ABLIM1: variants seen among roughly 807,000 people sequenced by gnomAD.
ABLIM1 encodes actin-binding LIM protein 1.
In ABLIM1, 40 loss-of-function variants were observed where a neutral mutation model predicts 107.0. That is an observed-to-expected ratio of 0.37 (90% CI 0.29 to 0.49). The LOEUF is 0.49. Among genes scored for constraint, ABLIM1 ranks in the 20% least tolerant of loss-of-function variants. The probability of loss-of-function intolerance (pLI) is 0.97; values close to 1 mark genes in which losing one functional copy is unlikely to be tolerated. For missense variants in ABLIM1, 857 were observed against 1,008.5 expected, an observed-to-expected ratio of 0.85 and a Z score of 2.04; for synonymous variants, 357 against 357.3, an observed-to-expected ratio of 1.00 and a Z score of 0.01.
intron 4 of ABLIM1, among the ~76,000 whole-genome samples, chr10:114,565,150 A>G (rs1427450158): frequency 6.6e-6 from 1 of 152,224 alleles, no homozygotes; most frequent in Admixed American, 6.5e-5. Flanking sequence ...CTCCTCTGCC[A>G]TTGCATCCTA....
intron 12 of ABLIM1, among the ~76,000 whole-genome samples, chr10:114,461,426 T>C (rs961265902): frequency 5.3e-5 from 8 of 150,046 alleles, no homozygotes; most frequent in Admixed American, 1.3e-4. Flanking sequence ...AAAAACAGCA[T>C]AATTTCTTTA....
Position 114,575,430 on chromosome 10 carries a change from A to G in ABLIM1, c.549T>C (p.Ala183=). The G allele has an allele frequency of 1.2e-6, 2 of 1,614,012 alleles. No homozygotes were observed. The highest frequency in any genetic ancestry group is 4.5e-5 in the East Asian group (2 of 44,886). Residue 183 remains alanine, a synonymous_variant, in exon 3 of 23, where the codon GCT becomes GCC. Transcript: ENST00000533213. Reference sequence around the variant, plus strand: ...GGCTCACTTACTTGCAGATAGTACAAGCAAAGCAATTGGGATGGTAGGTCT... The same window carrying G: ...GGCTCACTTACTTGCAGATAGTACAGGCAAAGCAATTGGGATGGTAGGTCT... ...LGKTYHPNCF[A]CTICKRPFPP... is the part of the protein sequence containing the mutation.
chr10:114,688,166 C>A (rs757189241), upstream of ABLIM1, among the ~76,000 whole-genome samples: 1 of 152,306 alleles, frequency 6.6e-6, no homozygotes, highest in South Asian at 2.1e-4. Flanking sequence ...TTATAGCACA[C>A]AACTACGTCC....
At chr10:114,773,630 G>A in the ABLIM1 span, among the ~76,000 whole-genome samples, 1 of 152,154 alleles carries the variant, frequency 6.6e-6, no homozygotes, top group Non-Finnish European at 1.5e-5. Flanking sequence ...GCTGAGGCAG[G>A]AGAATAGCTT....
intron 1 of ABLIM1, among the ~76,000 whole-genome samples, chr10:114,719,167 C>A (rs1311745572): frequency 6.6e-6 from 1 of 152,296 alleles, no homozygotes; most frequent in Admixed American, 6.5e-5. Context: ...GATCTCTCTG[C>A]CTTAAATGAT....
At chr10:114,703,573 T>G (rs2081348064) in intron 1 of ABLIM1, among the ~76,000 whole-genome samples, 1 of 152,198 alleles carries the variant, frequency 6.6e-6, no homozygotes, top group Non-Finnish European at 1.5e-5. Flanking sequence ...CAGTACAAGG[T>G]GCCCACCTCT....
chr10:114,597,971 T>C (rs1273312192), intron 2 of ABLIM1, among the ~76,000 whole-genome samples: 2 of 152,196 alleles, frequency 1.3e-5, no homozygotes, highest in African/African-American at 4.8e-5. Flanking sequence ...TACTGACCAT[T>C]TGAAATGTGT....
intron 1 of ABLIM1, among the ~76,000 whole-genome samples, chr10:114,675,044 A>T (rs1431736001): frequency 2.6e-5 from 4 of 152,054 alleles, no homozygotes; most frequent in African/African-American, 9.7e-5. Context: ...TTATAACCAA[A>T]TGCTCCCTAT....
chr10:114,767,989 A>G, intron 1 of ABLIM1: 1 of 410,470 alleles, frequency 2.4e-6, no homozygotes, highest in Non-Finnish European at 4.9e-6. Context: ...CGGCTGTCGC[A>G]GCCCCCCCGC....
At chr10:114,730,135 C>A (rs1366015319) in intron 1 of ABLIM1, among the ~76,000 whole-genome samples, 3 of 152,082 alleles carry the variant, frequency 2.0e-5, no homozygotes, top group African/African-American at 7.2e-5. Context: ...TGGTGGCTCA[C>A]GCCTGTGATC....
chr10:114,768,164 C>T, upstream of ABLIM1: 1 of 229,374 alleles, frequency 4.4e-6, no homozygotes, highest in Non-Finnish European at 9.0e-6. Flanking sequence ...CGCCCGGCCC[C>T]GGCCCCCTCC....
intron 1 of ABLIM1, among the ~76,000 whole-genome samples, chr10:114,692,871 C>T (rs2081112454): frequency 6.6e-6 from 1 of 152,162 alleles, no homozygotes. Context: ...GCCTGGGCAA[C>T]AGAGCAAGAC....
At chr10:114,632,086 G>C in intron 1 of ABLIM1, 1 of 985,220 alleles carries the variant, frequency 1.0e-6, no homozygotes, top group Non-Finnish European at 1.2e-6. Flanking sequence ...CCCCGCCTCG[G>C]CGGGCCCCGC....
chr10:114,749,231 G>A (rs1014506782), intron 1 of ABLIM1, among the ~76,000 whole-genome samples: 3 of 152,048 alleles, frequency 2.0e-5, no homozygotes, highest in Admixed American at 6.6e-5. Context: ...GAAGGGGTTT[G>A]CCTTCCTCTA....
At chr10:114,733,034 T>C (rs1398605539) in intron 1 of ABLIM1, among the ~76,000 whole-genome samples, 1 of 152,208 alleles carries the variant, frequency 6.6e-6, no homozygotes, top group African/African-American at 2.4e-5. Context: ...GATTCCATAT[T>C]ATGAATCCTA....
intron 6 of ABLIM1, among the ~76,000 whole-genome samples, chr10:114,495,265 T>C (rs1307237446): frequency 6.6e-6 from 1 of 152,146 alleles, no homozygotes; most frequent in Non-Finnish European, 1.5e-5. Context: ...AAAAAGTCCA[T>C]TTCTTTTGGA....
At chr10:114,518,007 T>C (rs1053355932) in intron 6 of ABLIM1, among the ~76,000 whole-genome samples, 1 of 152,138 alleles carries the variant, frequency 6.6e-6, no homozygotes, top group African/African-American at 2.4e-5. Context: ...TCTTAGTGTA[T>C]GGTAAAGGAT....
At chr10:114,490,974 A>G (rs11498870) in intron 7 of ABLIM1, among the ~76,000 whole-genome samples, 1,964 of 99,322 alleles carry the variant, frequency 0.02, 103 homozygotes, top group Middle Eastern at 0.041. Context: ...CGGCATATAT[A>G]TGTGTGTGTG....
At chr10:114,704,302 C>CTCTCTCTCTCTATATATATA (rs1380460034) in intron 1 of ABLIM1, among the ~76,000 whole-genome samples, 2 of 43,088 alleles carry the variant, frequency 4.6e-5, no homozygotes, top group Non-Finnish European at 9.5e-5. Context: ...CTCTCTCTCT[C>CTCTCTCTCTCTATATATATA]TATATATATA....
Sources: gnomAD v4.1 joint callset for allele counts (sites outside exome capture counted in the v4.1 genomes callset) on GRCh38, gnomAD v4.1.1 for gene constraint, MANE v1.5 for transcripts, NCBI Gene and HGNC (gene_info 2026-07-23, HGNC 2026-07-21) for gene names.